RIN3: variants seen among roughly 807,000 people sequenced by gnomAD.
The protein encoded by RIN3 is Ras and Rab interactor 3.
In RIN3, 54 loss-of-function variants were observed where a neutral mutation model predicts 76.3. That is an observed-to-expected ratio of 0.71 (90% CI 0.57 to 0.89). The LOEUF (loss-of-function observed/expected upper bound fraction) is 0.89. Ranked by LOEUF, RIN3 falls within the 40% of genes least tolerant of loss-of-function variation. The pLI, the probability that RIN3 is intolerant of heterozygous loss-of-function variation, is 0.00. For synonymous variants in RIN3, 576 were observed against 564.0 expected, an observed-to-expected ratio of 1.02 and a Z score of -0.30; for missense variants, 1,256 against 1,322.1, an observed-to-expected ratio of 0.95 and a Z score of 0.78.
At chr14:92,668,558 G>A (rs1888186654) in intron 7 of RIN3, among the ~76,000 whole-genome samples, 1 of 152,162 alleles carries the variant, frequency 6.6e-6, no homozygotes, top group Non-Finnish European at 1.5e-5. Flanking sequence ...AACCAAACAG[G>A]GTAGCTTCAA....
intron 5 of RIN3, 25 bp from the exon 6 acceptor site, chr14:92,651,557 C>G (rs745979588): frequency 6.4e-7 from 1 of 1,569,610 alleles, no homozygotes; most frequent in Admixed American, 1.8e-5. Context: ...CAGACTGACC[C>G]CCTGCCCCTC....
At chr14:92,665,365 TG>T (rs1888050033) in intron 7 of RIN3, among the ~76,000 whole-genome samples, 1 of 145,886 alleles carries the variant, frequency 6.9e-6, no homozygotes, top group African/African-American at 2.6e-5. Context: ...CCACAGCCTT[TG>T]TCTCTTTTTT....
At chr14:92,608,784 C>G (rs569677932) in intron 3 of RIN3, among the ~76,000 whole-genome samples, 12 of 152,292 alleles carry the variant, frequency 7.9e-5, no homozygotes, top group African/African-American at 2.6e-4. Flanking sequence ...ATCTGCTTGC[C>G]TCAGCCTCCC....
chr14:92,641,105 C>G (rs1301344176), intron 4 of RIN3, 133 bp from the exon 5 acceptor site: 17 of 680,750 alleles, frequency 2.5e-5, no homozygotes, highest in Middle Eastern at 4.9e-4. Context: ...GTCTGCCCCT[C>G]AGCTCCAGGG....
chr14:92,688,213 C>T lies in RIN3; in HGVS notation c.2919C>T (p.Ser973=). The T allele has an allele frequency of 6.2e-7, 1 of 1,602,362 alleles. No individual in the cohort carries two copies. Among genetic ancestry groups the T allele is most frequent in the East Asian group, 2.2e-5 (1 of 44,632 alleles). Residue 973 remains serine (S), a synonymous_variant, in exon 10 of 10, where the codon AGC becomes AGT. Transcript: ENST00000216487. ...LDGGGGGGGG[S]PPCLVVREPN... ...GTGGTGGCGGCGGCGGCGGCGGGAG[C>T]CCGCCCTGCCTGGTGGTGCGGGAGC...
chr14:92,557,665 G>T (rs1309098778), intron 2 of RIN3, among the ~76,000 whole-genome samples: 1 of 152,210 alleles, frequency 6.6e-6, no homozygotes, highest in African/African-American at 2.4e-5. Context: ...CACTGTGGTG[G>T]CCTGGAAGCA....
chr14:92,554,441 C>T (rs72697249), intron 1 of RIN3, among the ~76,000 whole-genome samples: 1 of 152,252 alleles, frequency 6.6e-6, no homozygotes, highest in East Asian at 1.9e-4. Flanking sequence ...TTGACTCATC[C>T]TCATTCTGGG....
At chr14:92,611,958 G>A (rs1021031072) in intron 3 of RIN3, among the ~76,000 whole-genome samples, 5 of 152,204 alleles carry the variant, frequency 3.3e-5, no homozygotes, top group African/African-American at 9.6e-5. Context: ...GGTGTCTCAC[G>A]TGGTGGGAGC....
At chr14:92,564,892 G>T (rs1897876005) in intron 2 of RIN3, among the ~76,000 whole-genome samples, 1 of 152,212 alleles carries the variant, frequency 6.6e-6, no homozygotes, top group Non-Finnish European at 1.5e-5. Context: ...GAGGAGAGAG[G>T]TTGAGTAAGG....
rs373209062 is a variant in RIN3 at position 92,663,611 on chromosome 14, G to A, written c.2335+4142G>A. 2.0e-4 allele frequency among the ~76,000 whole-genome samples: 30 copies of A among 152,292 alleles called. No individual in the cohort carries two copies. In the South Asian group the frequency reaches 4.1e-3, roughly 21 times the overall value. Reference sequence around the variant, plus strand: ...GGTTGAGCACTGGACTGGGAGCACCGTGACTCCCAATTTCATCTCTGAACC... The same window carrying A: ...GGTTGAGCACTGGACTGGGAGCACCATGACTCCCAATTTCATCTCTGAACC... On this transcript the variant is annotated intron_variant, in intron 7 of 9. Coordinates refer to ENST00000216487, the MANE Select transcript of RIN3 (RefSeq NM_024832.5).
At chr14:92,602,863 C>G (rs987808677) in intron 3 of RIN3, among the ~76,000 whole-genome samples, 35 of 152,190 alleles carry the variant, frequency 2.3e-4, no homozygotes, top group Non-Finnish European at 4.4e-5. Flanking sequence ...GTTTCCCCAT[C>G]TGTGCCATGG....
chr14:92,574,462 T>C (rs1898155619), intron 2 of RIN3, among the ~76,000 whole-genome samples: 1 of 152,198 alleles, frequency 6.6e-6, no homozygotes, highest in Non-Finnish European at 1.5e-5. Flanking sequence ...GGCTTCCAGG[T>C]AGCCCTTTTC....
chr14:92,572,590 C>T (rs1157032807), intron 2 of RIN3, among the ~76,000 whole-genome samples: 4 of 152,200 alleles, frequency 2.6e-5, no homozygotes, highest in African/African-American at 9.7e-5. Context: ...CCTGCTGATA[C>T]CTGACTACCT....
intron 3 of RIN3, among the ~76,000 whole-genome samples, chr14:92,608,107 C>A (rs1224967725): frequency 6.6e-6 from 1 of 152,168 alleles, no homozygotes; most frequent in African/African-American, 2.4e-5. Flanking sequence ...CTGTGCGAAG[C>A]TACCTATGTG....
At chr14:92,683,235 G>T (rs559430613) in intron 8 of RIN3, among the ~76,000 whole-genome samples, 1 of 152,244 alleles carries the variant, frequency 6.6e-6, no homozygotes, top group South Asian at 2.1e-4. Flanking sequence ...CCTTTGCAGT[G>T]GTGGGAAAGC....
Position 92,656,654 on chromosome 14 carries a change from C to T in RIN3, c.2027-2507C>T, listed in dbSNP as rs1042693054. Reference sequence around the variant, plus strand: ...ATGGCAAAGTGTCACCAGAGCCTGCCGTGGGCACGAATGTGTGGGGCAGAG... The same window carrying T: ...ATGGCAAAGTGTCACCAGAGCCTGCTGTGGGCACGAATGTGTGGGGCAGAG... On this transcript the variant is annotated intron_variant, in intron 6 of 9. Coordinates refer to ENST00000216487, the MANE Select transcript of RIN3 (RefSeq NM_024832.5). This position sits in a 1 kb window ranked among gnomAD's most constrained non-coding sequence, Gnocchi z 5.2. Among the ~76,000 whole-genome samples, 3 of 152,110 alleles carry T rather than the reference C, an allele frequency of 2.0e-5. No homozygotes were observed. Among genetic ancestry groups the T allele is most frequent in the East Asian group, 3.8e-4 (2 of 5,196 alleles).
At chr14:92,571,480 T>C (rs1409066908) in intron 2 of RIN3, among the ~76,000 whole-genome samples, 1 of 152,132 alleles carries the variant, frequency 6.6e-6, no homozygotes, top group Admixed American at 6.5e-5. Context: ...GAAGTTCCAA[T>C]AGCTTTAAGT....
intron 1 of RIN3, among the ~76,000 whole-genome samples, chr14:92,550,104 C>G (rs1330964464): frequency 6.6e-6 from 1 of 152,206 alleles, no homozygotes; most frequent in Non-Finnish European, 1.5e-5. Context: ...AGTGTCATCA[C>G]AGCTGTAAAA....
chr14:92,651,905 G>A lies in RIN3; in HGVS notation c.856G>A (p.Val286Met). 2 of 977,342 alleles carry A rather than the reference G, an allele frequency of 2.0e-6. No individual in the cohort carries two copies. Among genetic ancestry groups the A allele is most frequent in the Non-Finnish European group, 2.6e-6 (2 of 755,860 alleles). The allele number at this position is 977,342 out of a possible 1,614,324, so 60.5% of individuals were successfully genotyped here. The change falls in exon 6 of 10, where the codon GTG (valine) becomes ATG (methionine). Residue 286 changes from valine to methionine, a missense_variant. By Grantham distance (21) the Val-to-Met change is conservative. Coordinates refer to ENST00000216487, the MANE Select transcript of RIN3 (RefSeq NM_024832.5). ...ACGCCGCCCACCACCCCCTCCCCCA[G>A]TGCTGCCCCTGCAGCCCTGCAGCCC... ...APRRPPPPPP[V>M]LPLQPCSPAQ... is the part of the protein sequence containing the mutation.
Sources: allele counts gnomAD v4.1 joint callset (sites outside exome capture counted in the v4.1 genomes callset), GRCh38; gene constraint gnomAD v4.1.1; non-coding constraint Gnocchi (gnomAD v3.1); transcripts MANE v1.5; gene names NCBI Gene and HGNC (gene_info 2026-07-23, HGNC 2026-07-21).